SSH2: variants seen among roughly 807,000 people sequenced by gnomAD.
SSH2 encodes the protein slingshot protein phosphatase 2, also known as protein phosphatase Slingshot homolog 2.
Under a neutral mutation model 135.2 loss-of-function variants are expected in SSH2, and 37 were observed. That is an observed-to-expected ratio of 0.27 (90% CI 0.21 to 0.36). The LOEUF is 0.36. Among genes scored for constraint, SSH2 ranks in the 10% least tolerant of loss-of-function variants. The probability of loss-of-function intolerance (pLI) is 1.00; values close to 1 mark genes in which losing one functional copy is unlikely to be tolerated. For missense variants in SSH2, 1,408 were observed against 1,765.3 expected (o/e 0.80, Z 3.63); for synonymous variants, 628 against 646.2 (o/e 0.97, Z 0.43).
At chr17:29,858,393 A>G (rs2065703219) in intron 1 of SSH2, among the ~76,000 whole-genome samples, 1 of 152,204 alleles carries the variant, frequency 6.6e-6, no homozygotes, top group South Asian at 2.1e-4. Context: ...TACAGGCTAA[A>G]TTGTGTCCCC....
chr17:29,643,251 A>C, intron 14 of SSH2: 1 of 985,320 alleles, frequency 1.0e-6, no homozygotes, highest in Non-Finnish European at 1.2e-6. Flanking sequence ...TACAAGTACC[A>C]AGGTGTCCTA....
intron 3 of SSH2, among the ~76,000 whole-genome samples, chr17:29,731,414 ATTTTTTATTTAT>A (rs1158708144): frequency 0.011 from 1,283 of 115,308 alleles, 13 homozygotes; most frequent in Non-Finnish European, 0.015. Context: ...TAGCAGAAGT[ATTTTTTATTTAT>A]TTATTTATTT....
chr17:29,805,922 T>C (rs147600115), intron 2 of SSH2, among the ~76,000 whole-genome samples: 1 of 152,330 alleles, frequency 6.6e-6, no homozygotes, highest in Non-Finnish European at 1.5e-5. Context: ...ACTATGTTTT[T>C]ATAGTGCTAA....
intron 3 of SSH2, among the ~76,000 whole-genome samples, chr17:29,770,302 T>G (rs1040838376): frequency 1.1e-4 from 16 of 151,626 alleles, no homozygotes; most frequent in South Asian, 2.1e-4. Flanking sequence ...AGAGACAAGG[T>G]TTTGCCACCT....
At chr17:29,709,052 A>AGAGAGAGAGAGAGAGAGAGAGAGAGCGC (rs1491229455) in intron 3 of SSH2, among the ~76,000 whole-genome samples, 2 of 144,602 alleles carry the variant, frequency 1.4e-5, no homozygotes, top group African/African-American at 5.1e-5. Flanking sequence ...AGAGAGAGAG[A>AGAGAGAGAGAGAGAGAGAGAGAGAGCGC]GCTAATAATA....
chr17:29,705,214 A>T (rs565618621), intron 3 of SSH2, among the ~76,000 whole-genome samples: 1 of 152,110 alleles, frequency 6.6e-6, no homozygotes, highest in Non-Finnish European at 1.5e-5. Flanking sequence ...ACTTATCCCT[A>T]TCACCACTAT....
chr17:29,856,133 G>A, intron 1 of SSH2: 1 of 299,758 alleles, frequency 3.3e-6, no homozygotes, highest in South Asian at 3.0e-5. Context: ...GGATGGTTTA[G>A]ATAAGGCCGG....
chr17:29,798,832 G>A (rs1033648210), intron 2 of SSH2, among the ~76,000 whole-genome samples: 14 of 152,084 alleles, frequency 9.2e-5, no homozygotes, highest in South Asian at 6.2e-4. Context: ...TTTATTTTCC[G>A]TTTGTCGCCT....
At chr17:29,878,411 G>A (rs1014168183) in intron 1 of SSH2, among the ~76,000 whole-genome samples, 6 of 152,174 alleles carry the variant, frequency 3.9e-5, no homozygotes, top group Non-Finnish European at 4.4e-5. Context: ...TGGGTAACAG[G>A]AGCAAAATTG....
chr17:29,831,238 T>C (rs1044344408), intron 2 of SSH2, among the ~76,000 whole-genome samples: 10 of 151,102 alleles, frequency 6.6e-5, no homozygotes, highest in South Asian at 4.2e-4. Context: ...CCAAAGGACA[T>C]TGAACACGTC....
At chr17:29,814,980 CT>C (rs1247989126) in intron 2 of SSH2, among the ~76,000 whole-genome samples, 1 of 145,204 alleles carries the variant, frequency 6.9e-6, no homozygotes, top group African/African-American at 2.5e-5. Flanking sequence ...TGGAATTTCA[CT>C]GTTGATACCC....
At chr17:29,652,439 A>G (rs1224512232) in intron 12 of SSH2, among the ~76,000 whole-genome samples, 6 of 152,090 alleles carry the variant, frequency 3.9e-5, no homozygotes, top group African/African-American at 1.4e-4. Flanking sequence ...TCCGAGTTGA[A>G]AAAATGTTCT....
chr17:29,836,586 A>G (rs2042947536), intron 2 of SSH2, among the ~76,000 whole-genome samples: 1 of 152,242 alleles, frequency 6.6e-6, no homozygotes, highest in Admixed American at 6.5e-5. Flanking sequence ...GAAATAACGT[A>G]CGTACTAACA....
At chr17:29,698,702 G>T (rs1232020667) in intron 4 of SSH2, among the ~76,000 whole-genome samples, 1 of 152,018 alleles carries the variant, frequency 6.6e-6, no homozygotes, top group Non-Finnish European at 1.5e-5. Context: ...TCACCATGTT[G>T]CCCAGGCTGG....
intron 1 of SSH2, among the ~76,000 whole-genome samples, chr17:29,865,836 C>T (rs1452291375): frequency 6.6e-6 from 1 of 152,172 alleles, no homozygotes; most frequent in Non-Finnish European, 1.5e-5. Flanking sequence ...CATGGAGGCT[C>T]ACGCCTGTTA....
intron 3 of SSH2, among the ~76,000 whole-genome samples, chr17:29,748,864 CAATA>C (rs1318690263): frequency 1.3e-5 from 2 of 152,206 alleles, no homozygotes; most frequent in Middle Eastern, 6.8e-3. Flanking sequence ...AGCAAAGATT[CAATA>C]AATATTTAGA....
chr17:29,677,391 G>T (rs527346612), intron 7 of SSH2, among the ~76,000 whole-genome samples: 2 of 152,230 alleles, frequency 1.3e-5, no homozygotes, highest in Admixed American at 6.5e-5. Flanking sequence ...CTTTGGGAGA[G>T]CATTGCAACA....
At chr17:29,900,037 T>C (rs2066518821) in intron 1 of SSH2, among the ~76,000 whole-genome samples, 1 of 152,204 alleles carries the variant, frequency 6.6e-6, no homozygotes, top group Non-Finnish European at 1.5e-5. Context: ...GGGGAAAGGA[T>C]TCCCTATTTA....
intron 4 of SSH2, among the ~76,000 whole-genome samples, chr17:29,702,355 A>G (rs1354076039): frequency 6.0e-5 from 9 of 149,328 alleles, no homozygotes; most frequent in African/African-American, 1.2e-4. Context: ...TCTGTCTCAA[A>G]AAAAAAAAAA....
Sources: gnomAD v4.1 joint callset for allele counts (sites outside exome capture counted in the v4.1 genomes callset) on GRCh38, gnomAD v4.1.1 for gene constraint, MANE v1.5 for transcripts, NCBI Gene and HGNC (gene_info 2026-07-23, HGNC 2026-07-21) for gene names.